The following JMJD1C variants were observed in gnomAD, a reference collection of about 807,000 sequenced individuals.
The protein encoded by JMJD1C is jumonji domain-containing protein 1C.
Under a neutral mutation model 245.3 loss-of-function variants are expected in JMJD1C, and 31 were observed. That is an observed-to-expected ratio of 0.13 (90% CI 0.09 to 0.17). JMJD1C has a LOEUF of 0.17. Among genes scored for constraint, JMJD1C ranks in the 10% least tolerant of loss-of-function variants. The pLI is 1.00. For missense variants in JMJD1C, 2,691 were observed against 3,000.2 expected (o/e 0.90, Z 2.41); for synonymous variants, 1,057 against 1,017.4 (o/e 1.04, Z -0.74).
At chr10:63,290,674 T>C (rs566085777) in intron 2 of JMJD1C, among the ~76,000 whole-genome samples, 84 of 152,334 alleles carry the variant, frequency 5.5e-4, no homozygotes, top group African/African-American at 1.9e-3. Context: ...TTATGTCTAA[T>C]GTCTATGATT....
chr10:63,250,485 T>G (rs1852908824), intron 3 of JMJD1C, among the ~76,000 whole-genome samples: 1 of 152,108 alleles, frequency 6.6e-6, no homozygotes. Flanking sequence ...CACTCTTACT[T>G]AGCCAGGGTA....
At chr10:63,389,647 G>A (rs1947898301) in intron 1 of JMJD1C, among the ~76,000 whole-genome samples, 1 of 151,708 alleles carries the variant, frequency 6.6e-6, no homozygotes, top group Non-Finnish European at 1.5e-5. Context: ...CATATTTTTG[G>A]ACACAAATAG....
At chr10:63,345,659 G>C (rs1024183082) in intron 2 of JMJD1C, among the ~76,000 whole-genome samples, 1 of 152,050 alleles carries the variant, frequency 6.6e-6, no homozygotes, top group Non-Finnish European at 1.5e-5. Flanking sequence ...CAGAGGTTAG[G>C]AGTAGGGAGA....
chr10:63,410,193 A>G (rs765344879), intron 1 of JMJD1C, among the ~76,000 whole-genome samples: 7 of 152,132 alleles, frequency 4.6e-5, no homozygotes, highest in Non-Finnish European at 1.0e-4. Context: ...AAATGACCCC[A>G]CAATACATAC....
At chr10:63,480,084 A>G (rs1242306828) in intron 1 of JMJD1C, among the ~76,000 whole-genome samples, 1 of 152,124 alleles carries the variant, frequency 6.6e-6, no homozygotes, top group Non-Finnish European at 1.5e-5. Context: ...TACTTTGACA[A>G]TTTTTTTAAA....
intron 3 of JMJD1C, among the ~76,000 whole-genome samples, chr10:63,237,084 C>A (rs141852103): frequency 0.022 from 3,288 of 152,288 alleles, 57 homozygotes; most frequent in Non-Finnish European, 0.034. Context: ...GTCCCCCAGG[C>A]TGGAGTGCAA....
chr10:63,421,660 A>G (rs1322174771), intron 1 of JMJD1C, among the ~76,000 whole-genome samples: 2 of 152,194 alleles, frequency 1.3e-5, no homozygotes, highest in East Asian at 3.8e-4. Context: ...TGCAGATAGG[A>G]CCTTTAAGGA....
At chr10:63,391,699 C>A (rs961162960) in intron 1 of JMJD1C, among the ~76,000 whole-genome samples, 10 of 152,080 alleles carry the variant, frequency 6.6e-5, no homozygotes, top group African/African-American at 2.4e-4. Context: ...GAATTAACAT[C>A]ATTAAAATGA....
chr10:63,264,196 T>TA lies in JMJD1C; in HGVS notation c.447+454dup, dbSNP rs1337206620. Among the ~76,000 whole-genome samples, 5 of 152,170 alleles carry TA rather than the reference T, an allele frequency of 3.3e-5. No individual in the cohort carries two copies. The East Asian group carries it at 9.6e-4, about 29-fold the overall frequency. ...ATAATGGAGAACTGAAATTTATATA[T>TA]AAAATCATTCAATTACTGACAATCT... On this transcript the variant is annotated intron_variant, in intron 3 of 25. Coordinates refer to ENST00000399262, the MANE Select transcript of JMJD1C (RefSeq NM_032776.3).
At chr10:63,229,522 T>C (rs1335727370) in intron 3 of JMJD1C, among the ~76,000 whole-genome samples, 2 of 152,156 alleles carry the variant, frequency 1.3e-5, no homozygotes, top group Admixed American at 6.6e-5. Context: ...GAAGATAATA[T>C]AAAATATGCT....
At chr10:63,417,365 T>C (rs1291626508) in intron 1 of JMJD1C, among the ~76,000 whole-genome samples, 1 of 152,214 alleles carries the variant, frequency 6.6e-6, no homozygotes, top group East Asian at 1.9e-4. Context: ...TACCACCCTA[T>C]GTAGTTAAAT....
chr10:63,347,811 G>A (rs1005854897), intron 2 of JMJD1C, among the ~76,000 whole-genome samples: 8 of 151,796 alleles, frequency 5.3e-5, no homozygotes, highest in Admixed American at 2.6e-4. Context: ...CTACTCCGGC[G>A]GCGGAGGCAG....
intron 3 of JMJD1C, among the ~76,000 whole-genome samples, chr10:63,256,089 G>C (rs1179292533): frequency 6.6e-6 from 1 of 152,124 alleles, no homozygotes; most frequent in Non-Finnish European, 1.5e-5. Flanking sequence ...AAAGGAGACT[G>C]GCAGATTTTT....
rs143308457 is a variant in JMJD1C at position 63,406,308 on chromosome 10, C to T, written c.169-25826G>A. 2.2e-3 allele frequency among the ~76,000 whole-genome samples: 329 copies of T among 152,178 alleles called. 2 individuals carry two copies. The highest frequency in any genetic ancestry group is 7.5e-3 in the African/African-American group (312 of 41,508). ...TAACTAATCACAGGTCGGAATTAGG[C>T]ATGTATGCATCTCCAATGTGTGGAA... On this transcript the variant is annotated intron_variant, in intron 1 of 25. Transcript: ENST00000399262.
chr10:63,521,032 C>T (rs920584592), intron 1 of JMJD1C, among the ~76,000 whole-genome samples: 1 of 152,230 alleles, frequency 6.6e-6, no homozygotes, highest in African/African-American at 2.4e-5. Context: ...CACCGAGTTC[C>T]TGCGAATATC....
At chr10:63,393,392 T>C (rs1948232937) in intron 1 of JMJD1C, among the ~76,000 whole-genome samples, 1 of 152,088 alleles carries the variant, frequency 6.6e-6, no homozygotes, top group Non-Finnish European at 1.5e-5. Flanking sequence ...AAATAACAGA[T>C]GCTGGTGAGG....
At chr10:63,309,494 C>CAAAAAAAAA (rs71025153) in intron 2 of JMJD1C, among the ~76,000 whole-genome samples, 2 of 49,414 alleles carry the variant, frequency 4.0e-5, no homozygotes, top group Non-Finnish European at 3.4e-5. Flanking sequence ...GACTCCATCT[C>CAAAAAAAAA]AAAAAAAAAA....
chr10:63,208,974 T>A, intron 9 of JMJD1C, 89 bp downstream of exon 9: 1 of 1,170,302 alleles, frequency 8.5e-7, no homozygotes, highest in Non-Finnish European at 1.2e-6. Context: ...TCTTAAGATA[T>A]GTGTTAACTT....
At chr10:63,495,820 T>TA in intron 1 of JMJD1C, among the ~76,000 whole-genome samples, 1 of 151,572 alleles carries the variant, frequency 6.6e-6, no homozygotes, top group African/African-American at 2.4e-5. Context: ...CTTCCTTTAC[T>TA]ATTTAAAGTA....
Sources: allele counts gnomAD v4.1 joint callset (sites outside exome capture counted in the v4.1 genomes callset), GRCh38; gene constraint gnomAD v4.1.1; transcripts MANE v1.5; gene names NCBI Gene and HGNC (gene_info 2026-07-23, HGNC 2026-07-21).